Variants in MYO18A observed in about 807,000 individuals in gnomAD.
MYO18A encodes the protein unconventional myosin-XVIIIa.
In MYO18A, 78 loss-of-function variants were observed where a neutral mutation model predicts 235.8. The observed-to-expected ratio is 0.33, with a 90% CI of 0.28 to 0.40. The LOEUF (loss-of-function observed/expected upper bound fraction) is 0.40. Among genes scored for constraint, MYO18A ranks in the 10% least tolerant of loss-of-function variants. MYO18A has a pLI of 1.00. For missense variants in MYO18A, 2,215 were observed against 2,699.3 expected, an observed-to-expected ratio of 0.82 and a Z score of 3.98; for synonymous variants, 977 against 1,077.8, an observed-to-expected ratio of 0.91 and a Z score of 1.83.
At chr17:29,091,276 G>A in intron 34 of MYO18A, 1 of 324,346 alleles carries the variant, frequency 3.1e-6, no homozygotes, top group Non-Finnish European at 5.9e-6. Flanking sequence ...CGTGCACTCT[G>A]CCCCCTTCAG....
In MYO18A at chr17:29,097,336, G is replaced by GCCGCCT. The variant is rs753220446; in HGVS notation, c.4116_4117insAGGCGG (p.Arg1372_Leu1373insArgArg). On this transcript the variant is annotated inframe_insertion, in exon 27 of 42. Transcript: ENST00000527372. ...TCCCGCACAGCCCGCTCATACTTCA[G>GCCGCCT]CCGCCACTCGCCACCTGTGGGGTTG... is the stretch of plus-strand genomic sequence containing the variant. The GCCGCCT allele has an allele frequency of 1.2e-6, 2 of 1,608,238 alleles. No homozygotes were observed. Among genetic ancestry groups the GCCGCCT allele is most frequent in the Non-Finnish European group, 1.7e-6 (2 of 1,179,812 alleles).
At chr17:29,091,603 C>A in intron 34 of MYO18A, 2 of 452,984 alleles carry the variant, frequency 4.4e-6, no homozygotes, top group South Asian at 3.1e-5. Context: ...CCTTTTTTAA[C>A]ACAATTAAGG....
rs371699555 is a variant in MYO18A at position 29,085,706 on chromosome 17, C to T, written c.5853-58G>A. 33 of 1,583,726 alleles carry T rather than the reference C, an allele frequency of 2.1e-5. No homozygotes were observed. The African/African-American group carries it at 3.0e-4, about 14-fold the overall frequency. ...TCCAGAGGAAACAGATGAAATCAAT[C>T]GGCAACCCAAGGTGGACCCCTTAGC... On this transcript the variant is annotated intron_variant, in intron 39 of 41. Transcript: ENST00000527372.
At chr17:29,081,063 G>C (rs1005163327) in intron 41 of MYO18A, 17 of 899,866 alleles carry the variant, frequency 1.9e-5, no homozygotes, top group Non-Finnish European at 2.3e-5. Flanking sequence ...AGCAGGGAGA[G>C]AGGGAGGTTG....
Position 29,107,179 on chromosome 17 carries a change from G to T in MYO18A, c.3342C>A (p.Asp1114Glu), listed in dbSNP as rs1457769288. The T allele has an allele frequency of 1.2e-6, 2 of 1,613,866 alleles. No homozygotes were observed. The highest frequency in any genetic ancestry group is 2.2e-5 in the East Asian group (1 of 44,898). ...GGCGGAACTCGGAAAACACCATGTG[G>T]TCAGGGTAACCTAGAGAGAGCAGCC... ...AMRMYRQGYPDHMVFSEFRRR... is the reference protein window; with the variant it reads ...AMRMYRQGYPEHMVFSEFRRR... The change falls in exon 20 of 42, where the codon GAC (aspartate) becomes GAA (glutamate). Residue 1114 changes from aspartate (D) to glutamate (E), a missense_variant. Asp to Glu is a conservative substitution (Grantham distance 45, BLOSUM62 2). Coordinates refer to ENST00000527372, the MANE Select transcript of MYO18A (RefSeq NM_078471.4).
chr17:29,128,239 T>C (rs1598350266), intron 2 of MYO18A: 1 of 1,165,308 alleles, frequency 8.6e-7, no homozygotes, highest in South Asian at 1.6e-5. Context: ...CTGCCTTTTC[T>C]CCCCTCTTGC....
At chr17:29,089,873 G>C in intron 37 of MYO18A, 88 bp downstream of exon 37, 1 of 1,545,778 alleles carries the variant, frequency 6.5e-7, no homozygotes, top group South Asian at 1.2e-5. Context: ...CTGTCCGGGG[G>C]CCTGTCCAGC....
intron 41 of MYO18A, chr17:29,080,563 G>T: frequency 1.0e-6 from 1 of 985,998 alleles, no homozygotes; most frequent in Non-Finnish European, 1.2e-6. Context: ...GTCGAGCCGG[G>T]AGGTGCTGCG....
At chr17:29,139,390 C>A (rs1226785142) in intron 2 of MYO18A, among the ~76,000 whole-genome samples, 1 of 152,100 alleles carries the variant, frequency 6.6e-6, no homozygotes, top group African/African-American at 2.4e-5. Flanking sequence ...CAGGAAGCGC[C>A]CATCTCTCAG....
Position 29,074,477 on chromosome 17 carries a change from T to G in MYO18A, c.*293A>C. The G allele has an allele frequency of 1.7e-6, 1 of 576,578 alleles. No homozygotes were observed. Among genetic ancestry groups the G allele is most frequent in the Non-Finnish European group, 3.2e-6 (1 of 316,530 alleles). The allele number at this position is 576,578 out of a possible 1,614,324, so 35.7% of individuals were successfully genotyped here. On this transcript the variant is annotated 3_prime_UTR_variant, in exon 42 of 42. Coordinates refer to ENST00000527372, the MANE Select transcript of MYO18A (RefSeq NM_078471.4). The surrounding 1 kb of genome is among the most constrained non-coding windows in gnomAD (Gnocchi z 4.4). ...AGGTCAACGTGCTGGCTCCATGCAG[T>G]GCCAGGCCACCTGCCACTGCCCACG...
chr17:29,148,247 A>G (rs2067889630), intron 2 of MYO18A, among the ~76,000 whole-genome samples: 1 of 152,224 alleles, frequency 6.6e-6, no homozygotes, highest in African/African-American at 2.4e-5. Context: ...CCTAAAAAAA[A>G]GTCTATAAGC....
chr17:29,154,099 A>AGTGTGTGTGTGT (rs200703096), intron 2 of MYO18A, among the ~76,000 whole-genome samples: 91 of 149,380 alleles, frequency 6.1e-4, no homozygotes, highest in African/African-American at 1.4e-3. Flanking sequence ...TAAATTCTGC[A>AGTGTGTGTGTGT]GAGTGTGTGT....
chr17:29,096,654 G>A, intron 28 of MYO18A, 107 bp downstream of exon 28: 2 of 1,354,502 alleles, frequency 1.5e-6, no homozygotes, highest in Non-Finnish European at 1.9e-6. Flanking sequence ...CAAGGCCCCT[G>A]GACAAATTCA....
At position 29,072,821 on chromosome 17, in the gene MYO18A, G is replaced by A. The variant is rs2065900102; in HGVS notation, c.*1949C>T. 2 of 152,232 alleles carry A rather than the reference G, an allele frequency of 1.3e-5. No homozygotes were observed. The highest frequency in any genetic ancestry group is 2.9e-5 in the Non-Finnish European group (2 of 68,060). 9.4% of individuals were successfully genotyped at this position (152,232 alleles called of 1,614,324 possible). A position where few individuals can be genotyped will look rare whatever the true frequency, so the allele number is the denominator to read the frequency against. On this transcript the variant is annotated 3_prime_UTR_variant, in exon 42 of 42. Coordinates refer to ENST00000527372, the MANE Select transcript of MYO18A (RefSeq NM_078471.4). ...CTACAGAATGAGAAGGTAGAAGGTA[G>A]AAGAGGAGGAGGGGTGTCATTTGTT... is the stretch of plus-strand genomic sequence containing the variant.
Position 29,121,863 on chromosome 17 carries a change from A to G in MYO18A, c.1182T>C (p.Asp394=), listed in dbSNP as rs1314535611. The G allele has an allele frequency of 3.7e-6, 6 of 1,613,574 alleles. No individual in the cohort carries two copies. Among genetic ancestry groups the G allele is most frequent in the Non-Finnish European group, 5.1e-6 (6 of 1,179,750 alleles). The change falls in exon 4 of 42, where the codon GAT becomes GAC. Residue 394 remains aspartate, a synonymous_variant. Coordinates refer to ENST00000527372, the MANE Select transcript of MYO18A (RefSeq NM_078471.4). This position sits in a 1 kb window ranked among gnomAD's most constrained non-coding sequence, Gnocchi z 4.2. Reference sequence around the variant, plus strand: ...CCTGCCCACCTACCTTCTCAACGTCATCCTCATCCACATCCAGGATGGCCC... The same window carrying G: ...CCTGCCCACCTACCTTCTCAACGTCGTCCTCATCCACATCCAGGATGGCCC... ...HDGAILDVDE[D]DVEKANAPSC...
chr17:29,100,782 A>G (rs953266544), intron 21 of MYO18A, among the ~76,000 whole-genome samples: 11 of 152,366 alleles, frequency 7.2e-5, no homozygotes, highest in African/African-American at 2.2e-4. Flanking sequence ...CACTCAGCCA[A>G]CAGACACAGT....
intron 20 of MYO18A, among the ~76,000 whole-genome samples, chr17:29,103,961 A>G (rs373336917): frequency 6.6e-6 from 1 of 152,258 alleles, no homozygotes; most frequent in African/African-American, 2.4e-5. Context: ...AACTTATGAT[A>G]CAAGTGAGAA....
At chr17:29,097,084 C>G (rs2066536089) in intron 27 of MYO18A, 139 bp downstream of exon 27, 2 of 1,423,096 alleles carry the variant, frequency 1.4e-6, no homozygotes. Context: ...ATTGCCCCTG[C>G]ACCAAGAAGC....
At chr17:29,086,668 G>A (rs2066260912) in intron 38 of MYO18A, 91 bp from the exon 39 acceptor site, 2 of 1,489,590 alleles carry the variant, frequency 1.3e-6, no homozygotes, top group Non-Finnish European at 1.8e-6. Flanking sequence ...TTCCGGTCAT[G>A]GGGGTGCTAC....
Sources: gnomAD v4.1 joint callset for allele counts (sites outside exome capture counted in the v4.1 genomes callset) on GRCh38, gnomAD v4.1.1 for gene constraint, Gnocchi (gnomAD v3.1) non-coding constraint, MANE v1.5 for transcripts, NCBI Gene and HGNC (gene_info 2026-07-23, HGNC 2026-07-21) for gene names.